Variants in ANKRD45 observed in about 807,000 individuals in gnomAD.
ANKRD45 encodes ankyrin repeat domain 45, also known as ankyrin repeat domain-containing protein 45.
In ANKRD45, 21 loss-of-function variants were observed where a neutral mutation model predicts 28.1. The observed-to-expected ratio is 0.75, with a 90% confidence interval of 0.53 to 1.08. ANKRD45 has a LOEUF of 1.08. Ranked by LOEUF, ANKRD45 falls within the 50% of genes least tolerant of loss-of-function variation. The pLI, the probability that ANKRD45 is intolerant of heterozygous loss-of-function variation, is 0.00. For missense variants in ANKRD45, 261 were observed against 308.7 expected, an observed-to-expected ratio of 0.85 and a Z score of 1.16; for synonymous variants, 86 against 103.9, an observed-to-expected ratio of 0.83 and a Z score of 1.05.
chr1:173,613,237 G>A (rs1357434357), intron 5 of ANKRD45, among the ~76,000 whole-genome samples: 2 of 151,760 alleles, frequency 1.3e-5, no homozygotes, highest in Non-Finnish European at 2.9e-5. Flanking sequence ...CCTCTGCCCG[G>A]CCGCGACCCC....
chr1:173,682,585 A>G, the ANKRD45 span, among the ~76,000 whole-genome samples: 1 of 152,036 alleles, frequency 6.6e-6, no homozygotes, highest in African/African-American at 2.4e-5. Context: ...TGAAGAAAAA[A>G]GAATTTAGCC....
intron 5 of ANKRD45, among the ~76,000 whole-genome samples, chr1:173,610,451 A>G (rs1167220617): frequency 6.6e-6 from 1 of 152,194 alleles, no homozygotes. Flanking sequence ...TAGTTCTGCC[A>G]TTGATGAGAG....
At chr1:173,674,619 C>G (rs72709378), upstream of ANKRD45, among the ~76,000 whole-genome samples, 4,858 of 151,992 alleles carry the variant, frequency 0.032, 116 homozygotes, top group Non-Finnish European at 0.045. Flanking sequence ...TGGGACAACT[C>G]GAAGCAGGGG....
At chr1:173,634,658 T>C (rs1668341628) in intron 3 of ANKRD45, among the ~76,000 whole-genome samples, 1 of 152,046 alleles carries the variant, frequency 6.6e-6, no homozygotes, top group Admixed American at 6.6e-5. Flanking sequence ...TATAATTTTA[T>C]TTAGTTCTCA....
intron 5 of ANKRD45, among the ~76,000 whole-genome samples, chr1:173,615,147 C>T (rs949401013): frequency 2.0e-5 from 3 of 151,872 alleles, no homozygotes; most frequent in African/African-American, 7.3e-5. Flanking sequence ...AATGCCCCCC[C>T]AGACCGGGCG....
the ANKRD45 span, among the ~76,000 whole-genome samples, chr1:173,683,932 T>A: frequency 6.6e-6 from 1 of 152,202 alleles, no homozygotes; most frequent in Non-Finnish European, 1.5e-5. Context: ...AGGGTTCTTA[T>A]CCCTGACACA....
chr1:173,628,197 A>T (rs1331148116), intron 3 of ANKRD45, among the ~76,000 whole-genome samples: 1 of 151,150 alleles, frequency 6.6e-6, no homozygotes, highest in Non-Finnish European at 1.5e-5. Flanking sequence ...GACCCAGAAC[A>T]TTCCCCAGCT....
At chr1:173,694,567 ATTATTAT>A in the ANKRD45 span, among the ~76,000 whole-genome samples, 1 of 144,438 alleles carries the variant, frequency 6.9e-6, no homozygotes, top group East Asian at 2.0e-4. Flanking sequence ...TATTATTATT[ATTATTAT>A]TTCAATAGCT....
At chr1:173,708,512 A>G in the ANKRD45 span, among the ~76,000 whole-genome samples, 1 of 152,256 alleles carries the variant, frequency 6.6e-6, no homozygotes, top group African/African-American at 2.4e-5. Context: ...GGGGCCTCCC[A>G]GCCTCCAGAA....
chr1:173,611,533 A>G (rs1394993158), intron 5 of ANKRD45, among the ~76,000 whole-genome samples: 1 of 151,792 alleles, frequency 6.6e-6, no homozygotes, highest in Non-Finnish European at 1.5e-5. Context: ...GATTATCCAC[A>G]TGCAAAAGAA....
At chr1:173,703,918 C>T in the ANKRD45 span, among the ~76,000 whole-genome samples, 7 of 152,364 alleles carry the variant, frequency 4.6e-5, no homozygotes, top group Non-Finnish European at 1.0e-4. Flanking sequence ...TCCAGAACTG[C>T]AAGAAAATAG....
chr1:173,633,129 TAAAC>T (rs1352241190), intron 3 of ANKRD45, among the ~76,000 whole-genome samples: 1 of 151,470 alleles, frequency 6.6e-6, no homozygotes, highest in Non-Finnish European at 1.5e-5. Context: ...TTAGAACTGA[TAAAC>T]AAATTCAGTA....
chr1:173,707,915 G>A, the ANKRD45 span, among the ~76,000 whole-genome samples: 2 of 152,276 alleles, frequency 1.3e-5, no homozygotes, highest in South Asian at 4.2e-4. Flanking sequence ...TTATTAAACA[G>A]TGCCTATTGC....
chr1:173,617,046 G>C (rs1667493800), intron 5 of ANKRD45, among the ~76,000 whole-genome samples: 1 of 152,006 alleles, frequency 6.6e-6, no homozygotes, highest in African/African-American at 2.4e-5. Flanking sequence ...TTCTCACACA[G>C]ATCTTTGCAA....
intron 1 of ANKRD45, among the ~76,000 whole-genome samples, chr1:173,661,308 A>G (rs979250361): frequency 6.6e-6 from 1 of 152,216 alleles, no homozygotes; most frequent in African/African-American, 2.4e-5. Flanking sequence ...CAAGACTGTC[A>G]TTCAGAAGTC....
intron 2 of ANKRD45, among the ~76,000 whole-genome samples, chr1:173,654,033 C>T (rs1288737904): frequency 1.3e-5 from 2 of 150,862 alleles, no homozygotes; most frequent in East Asian, 3.9e-4. Flanking sequence ...GAGTACAGCA[C>T]ACTGATGGGT....
At chr1:173,637,217 G>A in intron 3 of ANKRD45, 1 of 536,902 alleles carries the variant, frequency 1.9e-6, no homozygotes, top group Non-Finnish European at 3.3e-6. Flanking sequence ...AAAGAACCCG[G>A]ACTTACTAAA....
At chr1:173,669,654 G>A (rs898653886) in intron 1 of ANKRD45, among the ~76,000 whole-genome samples, 163 bp downstream of exon 1, 1 of 152,104 alleles carries the variant, frequency 6.6e-6, no homozygotes, top group Non-Finnish European at 1.5e-5. Flanking sequence ...GTAGGAGACC[G>A]GTGCGCAAAG....
At chr1:173,705,983 TAAC>T in the ANKRD45 span, among the ~76,000 whole-genome samples, 1 of 152,136 alleles carries the variant, frequency 6.6e-6, no homozygotes, top group Non-Finnish European at 1.5e-5. Context: ...TTTCATTACT[TAAC>T]AACATGCCTG....
Sources: allele counts gnomAD v4.1 joint callset (sites outside exome capture counted in the v4.1 genomes callset), GRCh38; gene constraint gnomAD v4.1.1; transcripts MANE v1.5; gene names NCBI Gene and HGNC (gene_info 2026-07-23, HGNC 2026-07-21).